The following DHRSX variants were observed in gnomAD, a reference collection of about 807,000 sequenced individuals.
DHRSX encodes dehydrogenase/reductase X-linked, also known as polyprenol dehydrogenase.
A neutral mutation model predicts 34.0 loss-of-function variants in DHRSX; 31 were observed. The ratio of observed to expected loss-of-function variants is 0.91; its 90% CI spans 0.69 to 1.23. The LOEUF is 1.23. Among genes scored for constraint, DHRSX ranks in the 50% most tolerant of loss-of-function variants. The pLI is 0.00. For synonymous variants in DHRSX, 201 were observed against 183.8 expected (o/e 1.09, Z -0.76); for missense variants, 414 against 428.1 (o/e 0.97, Z 0.29).
intron 1 of DHRSX, among the ~76,000 whole-genome samples, chrX:2,467,707 G>A (rs1367080688): frequency 1.3e-5 from 2 of 152,178 alleles, no homozygotes; most frequent in Non-Finnish European, 2.9e-5. Flanking sequence ...GGACGTGGTG[G>A]CTCACACCTG....
chrX:2,320,488 G>A (rs75851953), intron 3 of DHRSX, among the ~76,000 whole-genome samples: 1 of 5,434 alleles, frequency 1.8e-4, no homozygotes, highest in Non-Finnish European at 4.3e-4. Flanking sequence ...TGGAGGCGGG[G>A]TTTCGCCATG....
intron 1 of DHRSX, among the ~76,000 whole-genome samples, chrX:2,457,639 C>T (rs1409643053): frequency 8.7e-5 from 13 of 149,882 alleles, no homozygotes; most frequent in African/African-American, 2.5e-4. Context: ...GCAAAAGAAC[C>T]GCCACCGTGG....
At chrX:2,467,044 G>A (rs1162686358) in intron 1 of DHRSX, among the ~76,000 whole-genome samples, 2 of 136,890 alleles carry the variant, frequency 1.5e-5, no homozygotes, top group African/African-American at 5.5e-5. Context: ...CAGCCTGGGA[G>A]ACAAGAGCAA....
intron 3 of DHRSX, among the ~76,000 whole-genome samples, chrX:2,404,009 T>G (rs546097747): frequency 1.2e-4 from 18 of 152,278 alleles, no homozygotes; most frequent in African/African-American, 4.1e-4. Context: ...TTTGGGGAAC[T>G]ATATATAGTT....
chrX:2,290,232 A>G (rs1274358460), intron 4 of DHRSX, among the ~76,000 whole-genome samples: 8 of 152,064 alleles, frequency 5.3e-5, no homozygotes, highest in Non-Finnish European at 7.4e-5. Context: ...TATCTCATCC[A>G]CTTTCCTATC....
chrX:2,500,114 A>T (rs1291091997), intron 1 of DHRSX, among the ~76,000 whole-genome samples: 2 of 152,202 alleles, frequency 1.3e-5, no homozygotes, highest in Non-Finnish European at 2.9e-5. Context: ...GTCATCACTG[A>T]TGAGTTCAGA....
intron 4 of DHRSX, among the ~76,000 whole-genome samples, chrX:2,275,064 C>T (rs1248214913): frequency 6.6e-6 from 1 of 151,964 alleles, no homozygotes. Context: ...GTTAGACAAT[C>T]GACGGCAAAT....
chrX:2,261,808 A>T (rs2041367453), intron 5 of DHRSX: 1 of 152,164 alleles, frequency 6.6e-6, no homozygotes, highest in South Asian at 2.1e-4. Flanking sequence ...GATTGCTTTG[A>T]TCAACAGTAT....
At chrX:2,301,773 G>A (rs923764210) in intron 3 of DHRSX, among the ~76,000 whole-genome samples, 73 of 152,166 alleles carry the variant, frequency 4.8e-4, no homozygotes, top group African/African-American at 1.3e-3. Flanking sequence ...TGAGTAGCTG[G>A]GACTACAGGC....
chrX:2,487,957 CCTT>C (rs2044991056), intron 1 of DHRSX: 2 of 151,846 alleles, frequency 1.3e-5, no homozygotes, highest in Admixed American at 6.6e-5. Flanking sequence ...GGGAAAGGCT[CCTT>C]CGACGCCACC....
At chrX:2,328,877 C>A (rs1295550470) in intron 3 of DHRSX, among the ~76,000 whole-genome samples, 3 of 152,038 alleles carry the variant, frequency 2.0e-5, no homozygotes, top group Non-Finnish European at 4.4e-5. Context: ...TCTGCCATAA[C>A]CCCCGGAAGA....
At chrX:2,374,863 G>A (rs1248731425) in intron 3 of DHRSX, among the ~76,000 whole-genome samples, 1 of 137,676 alleles carries the variant, frequency 7.3e-6, no homozygotes, top group African/African-American at 2.5e-5. Flanking sequence ...CTTGAGCCCT[G>A]GAGTTCAAGA....
At chrX:2,249,513 CTTTTTTTTTT>C (rs753035485) in intron 5 of DHRSX, among the ~76,000 whole-genome samples, 27 of 70,192 alleles carry the variant, frequency 3.8e-4, no homozygotes, top group Admixed American at 1.4e-3. Flanking sequence ...CTTTTTGTGC[CTTTTTTTTTT>C]TTTTTTTTTT....
At chrX:2,314,483 A>AAGGAAGGAAGGAAGGG (rs1602927702) in intron 3 of DHRSX, among the ~76,000 whole-genome samples, 658 of 45,970 alleles carry the variant, frequency 0.014, 59 homozygotes, top group Middle Eastern at 0.065. Context: ...GGAAGGAAGG[A>AAGGAAGGAAGGAAGGG]AGGAAGGGAG....
chrX:2,317,838 AGGGTG>A (rs1277974631), intron 3 of DHRSX, among the ~76,000 whole-genome samples: 1 of 152,176 alleles, frequency 6.6e-6, no homozygotes, highest in African/African-American at 2.4e-5. Context: ...CATTTGTCTC[AGGGTG>A]GGCGGAGAGA....
intron 3 of DHRSX, among the ~76,000 whole-genome samples, chrX:2,356,409 T>C (rs9785558): frequency 0.44 from 66,910 of 151,948 alleles, 15,610 homozygotes; most frequent in Non-Finnish European, 0.52. Context: ...GAGAATCATG[T>C]CAGGGGTGCA....
chrX:2,303,305 G>A (rs1187553566), intron 3 of DHRSX, among the ~76,000 whole-genome samples: 1 of 152,164 alleles, frequency 6.6e-6, no homozygotes, highest in African/African-American at 2.4e-5. Context: ...AATCCGCAGT[G>A]TTGGAGGAGT....
chrX:2,377,356 G>T (rs1482002312), intron 3 of DHRSX, among the ~76,000 whole-genome samples: 1 of 151,716 alleles, frequency 6.6e-6, no homozygotes, highest in African/African-American at 2.4e-5. Context: ...TCCGGGGGGT[G>T]ATGGGAGACA....
chrX:2,222,828 T>A (rs1450406750), intron 6 of DHRSX, among the ~76,000 whole-genome samples: 2 of 152,166 alleles, frequency 1.3e-5, no homozygotes, highest in African/African-American at 4.8e-5. Flanking sequence ...CTCCTGGTCT[T>A]GACTTCAGCA....
Sources: gnomAD v4.1 joint callset for allele counts (sites outside exome capture counted in the v4.1 genomes callset) on GRCh38, gnomAD v4.1.1 for gene constraint, MANE v1.5 for transcripts, NCBI Gene and HGNC (gene_info 2026-07-23, HGNC 2026-07-21) for gene names.